The following PILRA variants were observed in gnomAD, a reference collection of about 807,000 sequenced individuals.
The protein encoded by PILRA is paired immunoglobin like type 2 receptor alpha.
PILRA carries 37 observed loss-of-function variants against 33.1 expected under a neutral mutation model. That is an observed-to-expected ratio of 1.12 (90% CI 0.86 to 1.47). The LOEUF (loss-of-function observed/expected upper bound fraction) is 1.47, where lower values mean the gene tolerates loss of function less well. PILRA is among the 40% of genes most tolerant of loss of function. The pLI is 0.00. For missense variants in PILRA, 312 were observed against 376.2 expected (o/e 0.83, Z 1.41); for synonymous variants, 146 against 149.9 (o/e 0.97, Z 0.19).
intron 1 of PILRA, 123 bp downstream of exon 1, chr7:100,373,843 C>A: frequency 1.5e-6 from 2 of 1,371,958 alleles, no homozygotes; most frequent in Admixed American, 1.9e-5. Context: ...AAGGGCGGGT[C>A]CCACAGGGGC....
chr7:100,396,333 T>A (rs1791492146), intron 3 of PILRA, among the ~76,000 whole-genome samples: 1 of 152,118 alleles, frequency 6.6e-6, no homozygotes. Flanking sequence ...GGTTTATACA[T>A]ATAATGGAAT....
chr7:100,381,247 CAG>C (rs1563117237), intron 2 of PILRA, among the ~76,000 whole-genome samples: 1 of 152,098 alleles, frequency 6.6e-6, no homozygotes, highest in African/African-American at 2.4e-5. Flanking sequence ...GCCTGGGCGA[CAG>C]AGCGAGACTA....
At chr7:100,392,690 T>C (rs1286259913) in intron 3 of PILRA, among the ~76,000 whole-genome samples, 1 of 152,132 alleles carries the variant, frequency 6.6e-6, no homozygotes, top group African/African-American at 2.4e-5. Flanking sequence ...AACCTAGGTA[T>C]AACAGAATGA....
At chr7:100,391,749 CCT>C (rs540786448) in intron 3 of PILRA, among the ~76,000 whole-genome samples, 29 of 152,216 alleles carry the variant, frequency 1.9e-4, no homozygotes, top group East Asian at 1.4e-3. Flanking sequence ...GGAATAAGCC[CCT>C]GTTTCCACTT....
At chr7:100,377,164 T>C (rs2130165820) in intron 2 of PILRA, among the ~76,000 whole-genome samples, 2 of 152,156 alleles carry the variant, frequency 1.3e-5, no homozygotes, top group South Asian at 2.1e-4. Context: ...GGCTTATTAA[T>C]GTTTTTTACA....
At chr7:100,377,084 G>A (rs534739802) in intron 2 of PILRA, among the ~76,000 whole-genome samples, 76 of 151,934 alleles carry the variant, frequency 5.0e-4, no homozygotes, top group Non-Finnish European at 9.4e-4. Context: ...TAATCCAGCT[G>A]AAGTACCATC....
chr7:100,372,625 C>T (rs1790846295), upstream of PILRA, among the ~76,000 whole-genome samples: 1 of 152,152 alleles, frequency 6.6e-6, no homozygotes, highest in African/African-American at 2.4e-5. Flanking sequence ...TGCTCTGAGC[C>T]TTCACTTTCT....
intron 2 of PILRA, chr7:100,374,820 GTC>G (rs1346916156): frequency 3.2e-6 from 1 of 312,968 alleles, no homozygotes; most frequent in African/African-American, 2.2e-5. Context: ...TTTGTCATGT[GTC>G]TCTGTGTGGA....
At chr7:100,384,124 G>A (rs1268384822) in intron 2 of PILRA, among the ~76,000 whole-genome samples, 1 of 152,076 alleles carries the variant, frequency 6.6e-6, no homozygotes, top group Non-Finnish European at 1.5e-5. Context: ...ATTTGCAGAT[G>A]GATTGGATGT....
intron 2 of PILRA, among the ~76,000 whole-genome samples, chr7:100,379,914 G>A (rs139497010): frequency 3.9e-5 from 6 of 152,260 alleles, no homozygotes; most frequent in African/African-American, 1.4e-4. Flanking sequence ...GCCAGTGTTG[G>A]GAAACCCAGA....
chr7:100,397,052 A>G (rs906622011), intron 3 of PILRA, among the ~76,000 whole-genome samples: 2 of 151,768 alleles, frequency 1.3e-5, no homozygotes, highest in Admixed American at 1.3e-4. Context: ...GAGGGACAGA[A>G]GAGTGCTGGA....
At chr7:100,372,793 G>A (rs1403516225), upstream of PILRA, among the ~76,000 whole-genome samples, 1 of 152,182 alleles carries the variant, frequency 6.6e-6, no homozygotes, top group Non-Finnish European at 1.5e-5. Context: ...GGGTTGAGGG[G>A]GCTCCAGTCC....
At chr7:100,387,819 A>G (rs950140479) in intron 2 of PILRA, among the ~76,000 whole-genome samples, 4 of 152,148 alleles carry the variant, frequency 2.6e-5, no homozygotes, top group East Asian at 1.9e-4. Flanking sequence ...AGTCTTGTCT[A>G]TCTTCTTCTT....
At chr7:100,382,719 CTTTTGCT>C (rs1042355792) in intron 2 of PILRA, among the ~76,000 whole-genome samples, 5 of 151,168 alleles carry the variant, frequency 3.3e-5, no homozygotes, top group African/African-American at 1.2e-4. Flanking sequence ...CTTTTTTTTG[CTTTTGCT>C]TTTTGCACTA....
At chr7:100,393,118 A>G (rs752510454) in intron 3 of PILRA, among the ~76,000 whole-genome samples, 4 of 152,120 alleles carry the variant, frequency 2.6e-5, no homozygotes, top group Non-Finnish European at 4.4e-5. Flanking sequence ...CGTCTCTACT[A>G]GAAATATAAA....
upstream of PILRA, among the ~76,000 whole-genome samples, chr7:100,372,675 G>A (rs1304248314): frequency 6.6e-6 from 1 of 152,212 alleles, no homozygotes; most frequent in African/African-American, 2.4e-5. Flanking sequence ...CAAGGGCTCA[G>A]GTGTGTGGAG....
intron 3 of PILRA, among the ~76,000 whole-genome samples, chr7:100,397,440 C>G (rs546398611): frequency 4.6e-5 from 7 of 151,916 alleles, no homozygotes; most frequent in East Asian, 3.9e-4. Context: ...CCAAGCACGA[C>G]GCTCCCAAGG....
chr7:100,382,308 GT>G (rs1329424394), intron 2 of PILRA, among the ~76,000 whole-genome samples: 1 of 152,178 alleles, frequency 6.6e-6, no homozygotes, highest in Non-Finnish European at 1.5e-5. Context: ...TCAGTACCCT[GT>G]GTCTAGCTCA....
intron 2 of PILRA, among the ~76,000 whole-genome samples, chr7:100,375,420 G>A (rs1022501544): frequency 2.0e-5 from 3 of 152,212 alleles, no homozygotes; most frequent in African/African-American, 7.2e-5. Context: ...CACACTAGTG[G>A]TGCAGATGGG....
Sources: allele counts gnomAD v4.1 joint callset (sites outside exome capture counted in the v4.1 genomes callset), GRCh38; gene constraint gnomAD v4.1.1; transcripts MANE v1.5; gene names NCBI Gene and HGNC (gene_info 2026-07-23, HGNC 2026-07-21).